CACNA2D3: variants seen among roughly 807,000 people sequenced by gnomAD.
CACNA2D3 encodes the protein voltage-dependent calcium channel subunit alpha-2/delta-3.
CACNA2D3 carries 60 observed loss-of-function variants against 160.6 expected under a neutral mutation model. The ratio of observed to expected loss-of-function variants is 0.37; its 90% confidence interval spans 0.30 to 0.46. The LOEUF is 0.46. CACNA2D3 is among the 20% of genes least tolerant of loss of function. The pLI, the probability that CACNA2D3 is intolerant of heterozygous loss-of-function variation, is 1.00. For synonymous variants in CACNA2D3, 558 were observed against 492.9 expected, an observed-to-expected ratio of 1.13 and a Z score of -1.75; for missense variants, 1,205 against 1,365.0, an observed-to-expected ratio of 0.88 and a Z score of 1.85.
At chr3:54,618,406 C>T (rs1472682278) in intron 9 of CACNA2D3, among the ~76,000 whole-genome samples, 2 of 149,932 alleles carry the variant, frequency 1.3e-5, no homozygotes, top group African/African-American at 2.4e-5. Context: ...CACACACACA[C>T]ACACACAGTG....
intron 34 of CACNA2D3, among the ~76,000 whole-genome samples, chr3:55,015,202 T>C (rs1424080015): frequency 6.6e-6 from 1 of 152,034 alleles, no homozygotes; most frequent in African/African-American, 2.4e-5. Flanking sequence ...ACCTTTCTTA[T>C]TTTTTTTCAT....
chr3:54,728,244 A>G (rs1041394434), intron 11 of CACNA2D3, among the ~76,000 whole-genome samples: 4 of 151,922 alleles, frequency 2.6e-5, no homozygotes, highest in African/African-American at 9.7e-5. Flanking sequence ...CAGATCCCAT[A>G]TTTATTTTTT....
At chr3:54,539,559 C>A (rs1575511003) in intron 5 of CACNA2D3, among the ~76,000 whole-genome samples, 1 of 152,228 alleles carries the variant, frequency 6.6e-6, no homozygotes, top group African/African-American at 2.4e-5. Flanking sequence ...CCTTCCGCTA[C>A]TTTTGCTTTC....
intron 35 of CACNA2D3, among the ~76,000 whole-genome samples, chr3:55,058,248 G>A (rs1704414470): frequency 6.6e-6 from 1 of 152,128 alleles, no homozygotes; most frequent in East Asian, 1.9e-4. Flanking sequence ...TTATTTCCCT[G>A]GTATATTAAT....
chr3:54,593,236 G>A (rs148424243), intron 9 of CACNA2D3, among the ~76,000 whole-genome samples: 112 of 152,220 alleles, frequency 7.4e-4, no homozygotes, highest in Admixed American at 1.8e-3. Flanking sequence ...ATAATTTAAC[G>A]TAATTTGGCT....
intron 29 of CACNA2D3, among the ~76,000 whole-genome samples, chr3:54,978,933 C>T (rs1369544197): frequency 3.9e-5 from 6 of 152,192 alleles, no homozygotes; most frequent in African/African-American, 1.4e-4. Flanking sequence ...TTGCTGGAGA[C>T]AAATCATAGT....
chr3:54,315,476 T>G (rs537961197), intron 2 of CACNA2D3, among the ~76,000 whole-genome samples: 1 of 152,194 alleles, frequency 6.6e-6, no homozygotes, highest in Non-Finnish European at 1.5e-5. Flanking sequence ...AAACAAGTGT[T>G]TTTATGGTAG....
chr3:54,745,854 C>T (rs948615957), intron 11 of CACNA2D3, among the ~76,000 whole-genome samples: 2 of 152,014 alleles, frequency 1.3e-5, no homozygotes, highest in Non-Finnish European at 2.9e-5. Flanking sequence ...GTATCAGGCA[C>T]TTGTGCTTGG....
chr3:54,965,244 G>GA (rs59499040), intron 27 of CACNA2D3, among the ~76,000 whole-genome samples: 60,088 of 151,626 alleles, frequency 0.4, 13,545 homozygotes, highest in East Asian at 0.56. Flanking sequence ...TCTGGCCTAC[G>GA]TACTCTTGAA....
At chr3:54,914,415 A>G (rs1018470179) in intron 27 of CACNA2D3, among the ~76,000 whole-genome samples, 1 of 152,134 alleles carries the variant, frequency 6.6e-6, no homozygotes, top group African/African-American at 2.4e-5. Flanking sequence ...ATGCTCTCTA[A>G]GACCCTTCTC....
At chr3:54,487,312 G>C (rs972740625) in intron 4 of CACNA2D3, among the ~76,000 whole-genome samples, 1 of 152,186 alleles carries the variant, frequency 6.6e-6, no homozygotes, top group South Asian at 2.1e-4. Flanking sequence ...AGGCTGTGGT[G>C]GACTGAGATT....
chr3:55,004,871 A>T (rs4955827), intron 32 of CACNA2D3, 33 bp downstream of exon 32: 20 of 1,476,228 alleles, frequency 1.4e-5, no homozygotes, highest in African/African-American at 2.8e-5. Flanking sequence ...GAAAACAGCC[A>T]CACATTTCTG....
At position 54,386,694 on chromosome 3, in the gene CACNA2D3, GTTTTTT is replaced by G; in HGVS notation, c.322-8_322-3del. Reference sequence around the variant, plus strand: ...ATTCTGATCCTTAATGCTGTCTTCTGTTTTTTTTTTTTTTTTTTAGCGTCTGGTGGA... The same window carrying G: ...ATTCTGATCCTTAATGCTGTCTTCTGTTTTTTTTTTTTAGCGTCTGGTGGA... On this transcript the variant is annotated splice_polypyrimidine_tract_variant and intron_variant, in intron 3 of 37. Transcript: ENST00000474759. The G allele has an allele frequency of 8.5e-6, 12 of 1,407,478 alleles. No individual in the cohort carries two copies. The highest frequency in any genetic ancestry group is 5.0e-5 in the Admixed American group (2 of 40,004). 87.2% of individuals were successfully genotyped at this position (1,407,478 alleles called of 1,614,324 possible).
intron 11 of CACNA2D3, among the ~76,000 whole-genome samples, chr3:54,714,656 G>C (rs1304596361): frequency 6.6e-6 from 1 of 152,138 alleles, no homozygotes; most frequent in South Asian, 2.1e-4. Flanking sequence ...TACAATCATA[G>C]ACTATTTCCT....
intron 5 of CACNA2D3, among the ~76,000 whole-genome samples, chr3:54,536,544 A>C (rs1027479021): frequency 6.6e-6 from 1 of 152,226 alleles, no homozygotes; most frequent in African/African-American, 2.4e-5. Context: ...AGTAATGGGC[A>C]AATGTGTTCT....
chr3:54,822,734 CTT>C (rs1478179418), intron 14 of CACNA2D3, among the ~76,000 whole-genome samples: 2 of 35,424 alleles, frequency 5.6e-5, no homozygotes, highest in African/African-American at 1.3e-4. Context: ...TTTTTATTTT[CTT>C]TCTTTCTTTC....
rs1699535699 is a variant in CACNA2D3 at position 54,642,170 on chromosome 3, A to G, written c.1096A>G (p.Met366Val). The change falls in exon 11 of 38, where the codon ATG (methionine) becomes GTG (valine). Residue 366 changes from methionine to valine, a missense_variant. Met to Val is a conservative substitution (Grantham distance 21, BLOSUM62 1). This residue lies in a region of CACNA2D3 where 911 missense variants were observed against 1,002.2 expected (regional missense o/e 0.91). Transcript: ENST00000474759. ...AGGAAGTATCTGCAGTCAGGCCATC[A>G]TGCTCATAACTGATGGGGCGGTGGA... ...GQGSICSQAI[M>V]LITDGAVDTY... 1.2e-6 allele frequency: 2 copies of G among 1,613,398 alleles called. No individual in the cohort carries two copies. The highest frequency in any genetic ancestry group is 1.7e-6 in the Non-Finnish European group (2 of 1,179,680).
rs115058742 is a variant in CACNA2D3, at chr3:54,224,652, C to G, written c.205-95790C>G. Among the ~76,000 whole-genome samples, 587 of 152,326 alleles carry G rather than the reference C, an allele frequency of 3.9e-3. 4 individuals are homozygous for G. Among genetic ancestry groups the G allele is most frequent in the African/African-American group, 0.014 (567 of 41,566 alleles). ...TATTTCAAGAACCTTGGAACACTTT[C>G]ACTTCTTTTGCCTCTCTCTTGTCTT... On this transcript the variant is annotated intron_variant, in intron 2 of 37. Coordinates refer to ENST00000474759, the MANE Select transcript of CACNA2D3 (RefSeq NM_018398.3).
chr3:54,232,681 A>C (rs2107395013), intron 2 of CACNA2D3, among the ~76,000 whole-genome samples: 1 of 152,198 alleles, frequency 6.6e-6, no homozygotes, highest in South Asian at 2.1e-4. Context: ...GGCTCTTTGT[A>C]AGTCTTTCCC....
Sources: allele counts gnomAD v4.1 joint callset (sites outside exome capture counted in the v4.1 genomes callset), GRCh38; gene constraint gnomAD v4.1.1; regional missense constraint gnomAD v4.1.1; transcripts MANE v1.5; gene names NCBI Gene and HGNC (gene_info 2026-07-23, HGNC 2026-07-21).